The following RAB3GAP2 variants were observed in gnomAD, a reference collection of about 807,000 sequenced individuals.
The protein encoded by RAB3GAP2 is rab3 GTPase-activating protein non-catalytic subunit.
In RAB3GAP2, 87 loss-of-function variants were observed where a neutral mutation model predicts 185.3. The ratio of observed to expected loss-of-function variants is 0.47; its 90% CI spans 0.39 to 0.56. The LOEUF is 0.56. Among genes scored for constraint, RAB3GAP2 ranks in the 20% least tolerant of loss-of-function variants. The pLI is 0.00. For synonymous variants in RAB3GAP2, 554 were observed against 576.1 expected, an observed-to-expected ratio of 0.96 and a Z score of 0.55; for missense variants, 1,492 against 1,638.2, an observed-to-expected ratio of 0.91 and a Z score of 1.54.
At chr1:220,221,819 C>G (rs531355686) in intron 2 of RAB3GAP2, among the ~76,000 whole-genome samples, 3 of 152,346 alleles carry the variant, frequency 2.0e-5, no homozygotes, top group Admixed American at 2.0e-4. Flanking sequence ...TCAACTATAG[C>G]TGGCATTATA....
chr1:220,195,237 TA>T, intron 11 of RAB3GAP2, 60 bp downstream of exon 11: 1 of 1,600,434 alleles, frequency 6.2e-7, no homozygotes, highest in Non-Finnish European at 8.6e-7. Flanking sequence ...TATCAAAATA[TA>T]AGTTAAAAGC....
At chr1:220,257,462 C>T (rs901186327) in intron 1 of RAB3GAP2, among the ~76,000 whole-genome samples, 2 of 151,716 alleles carry the variant, frequency 1.3e-5, no homozygotes, top group African/African-American at 4.8e-5. Context: ...GAACAACCTG[C>T]TCCTGAATGA....
intron 17 of RAB3GAP2, 130 bp downstream of exon 17, chr1:220,189,573 G>C: frequency 2.3e-6 from 2 of 867,232 alleles, no homozygotes; most frequent in Non-Finnish European, 3.3e-6. Context: ...TAAAGAAAGG[G>C]ATAAACAATA....
In RAB3GAP2 at chr1:220,191,272, G is replaced by A. The variant is rs1658614059; in HGVS notation, c.1283C>T (p.Ala428Val). The A allele has an allele frequency of 6.2e-7, 1 of 1,607,152 alleles. No individual in the cohort carries two copies. The highest frequency in any genetic ancestry group is 1.7e-5 in the Admixed American group (1 of 59,280). The change falls in exon 14 of 35, where the codon GCA becomes GTA. Residue 428 changes from alanine (A) to valine (V), a missense_variant. Coordinates refer to ENST00000358951, the MANE Select transcript of RAB3GAP2 (RefSeq NM_012414.4). ...AIRMWKGYRD[A>V]QIGWIQTVED... ...TACAGTTTGAATCCATCCAATTTGTGCGTCGCGGTACCCTTAGAGACAGAG... is the reference window on the plus strand; with the variant it reads ...TACAGTTTGAATCCATCCAATTTGTACGTCGCGGTACCCTTAGAGACAGAG...
At chr1:220,235,760 G>A (rs1160914153) in intron 1 of RAB3GAP2, among the ~76,000 whole-genome samples, 1 of 152,106 alleles carries the variant, frequency 6.6e-6, no homozygotes, top group Non-Finnish European at 1.5e-5. Flanking sequence ...GCAAATAGAA[G>A]ACAGCAGTAA....
chr1:220,268,448 C>T (rs1373522787), intron 1 of RAB3GAP2, among the ~76,000 whole-genome samples: 1 of 152,200 alleles, frequency 6.6e-6, no homozygotes, highest in African/African-American at 2.4e-5. Context: ...ATATTTGCTG[C>T]TGCTACCCAC....
chr1:220,232,947 C>T, intron 1 of RAB3GAP2, 84 bp from the exon 2 acceptor site: 1 of 1,158,678 alleles, frequency 8.6e-7, no homozygotes, highest in South Asian at 1.2e-5. Flanking sequence ...CATCATAGAA[C>T]CAACCCCTGT....
chr1:220,196,287 C>T lies in RAB3GAP2; in HGVS notation c.923G>A (p.Gly308Glu). Residue 308 changes from glycine to glutamate, a missense_variant, in exon 10 of 35, where the codon GGG (glycine) becomes GAG (glutamate). Gly to Glu is a moderately conservative substitution (Grantham distance 98). Coordinates refer to ENST00000358951, the MANE Select transcript of RAB3GAP2 (RefSeq NM_012414.4). ...GAAGAAGCCAGTAAATGGATTGGACCCTACAGTGATATACTGAGACATGGC... is the reference window on the plus strand; with the variant it reads ...GAAGAAGCCAGTAAATGGATTGGACTCTACAGTGATATACTGAGACATGGC... ...PPAMSQYITVGSNPFTGFFYA... is the reference protein window; with the variant it reads ...PPAMSQYITVESNPFTGFFYA... 1 of 1,613,008 alleles carries T rather than the reference C, an allele frequency of 6.2e-7. No individual in the cohort carries two copies. Among genetic ancestry groups the T allele is most frequent in the Non-Finnish European group, 8.5e-7 (1 of 1,179,286 alleles).
In RAB3GAP2 at chr1:220,212,897, C is replaced by T. The variant is rs1378967581; in HGVS notation, c.376G>A (p.Val126Ile). The T allele has an allele frequency of 3.7e-6, 6 of 1,612,714 alleles. No individual in the cohort carries two copies. The highest frequency in any genetic ancestry group is 5.1e-6 in the Non-Finnish European group (6 of 1,178,948). ...FAVGWSGSLNVEEGECVTSAL... is the reference protein window; with the variant it reads ...FAVGWSGSLNIEEGECVTSAL... ...TTAACTGGCACCTACCCTTCTTCGA[C>T]ATTTAAGGAACCACTCCAGCCAACA... The change falls in exon 4 of 35, where the codon GTC (valine) becomes ATC (isoleucine). Residue 126 changes from valine (V) to isoleucine (I), a missense_variant. Physicochemically the swap from Val to Ile is conservative, Grantham distance 29. Around this residue, in one of 5 missense-constraint regions of RAB3GAP2, gnomAD observed 177 missense variants for 160.6 expected, o/e 1.10. Transcript: ENST00000358951.
intron 2 of RAB3GAP2, among the ~76,000 whole-genome samples, chr1:220,232,234 C>T (rs1016396862): frequency 6.6e-6 from 1 of 152,108 alleles, no homozygotes; most frequent in African/African-American, 2.4e-5. Flanking sequence ...TTTGAATGTG[C>T]CCCCAAAAAA....
chr1:220,225,424 G>C (rs942529163), intron 2 of RAB3GAP2, among the ~76,000 whole-genome samples: 4 of 152,096 alleles, frequency 2.6e-5, no homozygotes, highest in African/African-American at 4.8e-5. Flanking sequence ...ATAAACCAAG[G>C]TCTCTCAATA....
At chr1:220,197,315 C>T (rs1054052768) in intron 9 of RAB3GAP2, among the ~76,000 whole-genome samples, 39 of 151,070 alleles carry the variant, frequency 2.6e-4, no homozygotes, top group Non-Finnish European at 4.1e-4. Flanking sequence ...CTGTGCCTGA[C>T]CTTACTAAAT....
At chr1:220,267,543 C>CT (rs34147613) in intron 1 of RAB3GAP2, 504,591 of 1,385,512 alleles carry the variant, frequency 0.36, 98,923 homozygotes, top group African/African-American at 0.71. Flanking sequence ...CCCATTGCCT[C>CT]TTTTTGATTC....
chr1:220,201,090 C>T (rs1658846897), intron 9 of RAB3GAP2, among the ~76,000 whole-genome samples: 1 of 152,208 alleles, frequency 6.6e-6, no homozygotes, highest in Non-Finnish European at 1.5e-5. Flanking sequence ...CCTAGACTCA[C>T]ACTTTCAGAC....
At chr1:220,207,079 T>C (rs1658981933) in intron 7 of RAB3GAP2, among the ~76,000 whole-genome samples, 1 of 152,206 alleles carries the variant, frequency 6.6e-6, no homozygotes, top group African/African-American at 2.4e-5. Flanking sequence ...AGAAATGAAC[T>C]GGGCAAATAA....
Position 220,247,833 on chromosome 1 carries a change from A to G in RAB3GAP2, c.116-14970T>C, listed in dbSNP as rs904103214. 3.3e-5 allele frequency among the ~76,000 whole-genome samples: 5 copies of G among 152,288 alleles called. No homozygotes were observed. In the South Asian group the frequency reaches 1.0e-3, roughly 32 times the overall value. ...CAATCAGCAATAAAAAGATAACTAA[A>G]TGAAAAAATTTTAAAAAGAACCACT... On this transcript the variant is annotated intron_variant, in intron 1 of 34. Transcript: ENST00000358951.
In RAB3GAP2 at chr1:220,195,391, C is replaced by T. The variant is rs148886986; in HGVS notation, c.961-14G>A. On this transcript the variant is annotated splice_polypyrimidine_tract_variant and intron_variant, in intron 10 of 34. Transcript: ENST00000358951. ...TTGTGTGCTTCCCTGAAAAACAGAA[C>T]ATTTGAAAGAGAAAACTTAGTAGCT... 6 of 1,598,426 alleles carry T rather than the reference C, an allele frequency of 3.8e-6. No individual in the cohort carries two copies. The highest frequency in any genetic ancestry group is 4.5e-5 in the East Asian group (2 of 44,758).
At chr1:220,157,557 A>G in intron 30 of RAB3GAP2, 69 bp from the exon 31 acceptor site, 2 of 1,504,478 alleles carry the variant, frequency 1.3e-6, no homozygotes, top group Admixed American at 3.4e-5. Flanking sequence ...TATCCCAATG[A>G]GTTTATTAGC....
At position 220,151,619 on chromosome 1, in the gene RAB3GAP2, C is replaced by A. The variant is rs775861415; in HGVS notation, c.4013G>T (p.Trp1338Leu). 1 of 1,611,672 alleles carries A rather than the reference C, an allele frequency of 6.2e-7. No individual in the cohort carries two copies. Among genetic ancestry groups the A allele is most frequent in the Non-Finnish European group, 8.5e-7 (1 of 1,177,772 alleles). ...LARLPPTLCT[W>L]LKAMDPQDLQ... ...TATTGTACTGACCATTGCTTTCAGC[C>A]AAGTACACAGTGTGGGTGGAAGTCT... The change falls in exon 34 of 35, where the codon TGG becomes TTG. Residue 1338 changes from tryptophan to leucine, a missense_variant. Physicochemically the swap from Trp to Leu is moderately conservative, Grantham distance 61 (BLOSUM62 -2). Around this residue, in one of 5 missense-constraint regions of RAB3GAP2, gnomAD observed 387 missense variants for 455.3 expected, o/e 0.85. Coordinates refer to ENST00000358951, the MANE Select transcript of RAB3GAP2 (RefSeq NM_012414.4).
Sources: gnomAD v4.1 joint callset for allele counts (sites outside exome capture counted in the v4.1 genomes callset) on GRCh38, gnomAD v4.1.1 for gene constraint, gnomAD v4.1.1 regional missense constraint, MANE v1.5 for transcripts, NCBI Gene and HGNC (gene_info 2026-07-23, HGNC 2026-07-21) for gene names.